Variants in BICRAL observed in about 807,000 individuals in gnomAD.
BICRAL encodes the protein BRD4-interacting chromatin-remodeling complex-associated protein-like.
A neutral mutation model predicts 91.8 loss-of-function variants in BICRAL; 8 were observed. The observed-to-expected ratio is 0.09, with a 90% confidence interval of 0.05 to 0.16. The LOEUF is 0.16. BICRAL is among the 10% of genes least tolerant of loss of function. The pLI is 1.00. For missense variants in BICRAL, 1,038 were observed against 1,310.9 expected, an observed-to-expected ratio of 0.79 and a Z score of 3.21; for synonymous variants, 445 against 491.1, an observed-to-expected ratio of 0.91 and a Z score of 1.24.
At chr6:42,783,130 C>T (rs1582813553) in intron 1 of BICRAL, among the ~76,000 whole-genome samples, 1 of 145,046 alleles carries the variant, frequency 6.9e-6, no homozygotes, top group East Asian at 2.0e-4. Context: ...GTCGCCCCGG[C>T]CCCGTTCCCG....
Position 42,765,535 on chromosome 6 carries a change from C to G in BICRAL, c.-260-16304C>G, listed in dbSNP as rs141658514. Among the ~76,000 whole-genome samples the G allele has an allele frequency of 2.0e-5, 3 of 152,242 alleles. No homozygotes were observed. The East Asian group carries it at 5.8e-4, about 29-fold the overall frequency. ...GGCATGCATGCTATTTTTTTCTGTT[C>G]TTTGTCTTCACAGAGTAATTCCCTT... On this transcript the variant is annotated intron_variant, in intron 1 of 14. Coordinates refer to the BICRAL transcript ENST00000614467.
At chr6:42,772,687 T>G (rs1762754967) in intron 1 of BICRAL, among the ~76,000 whole-genome samples, 1 of 152,160 alleles carries the variant, frequency 6.6e-6, no homozygotes, top group Non-Finnish European at 1.5e-5. Context: ...GAGGTGCTGA[T>G]GAAGGTGTGA....
At chr6:42,794,407 TACTCTGTGTGTGTGTGTGTG>T (rs1450690959) in intron 1 of BICRAL, among the ~76,000 whole-genome samples, 2 of 142,364 alleles carry the variant, frequency 1.4e-5, no homozygotes, top group Non-Finnish European at 1.5e-5. Flanking sequence ...AAAATTCACT[TACTCTGTGTGTGTGTGTGTG>T]TGTGTGTGTG....
At chr6:42,774,747 G>A (rs1182891936) in intron 1 of BICRAL, among the ~76,000 whole-genome samples, 1 of 152,058 alleles carries the variant, frequency 6.6e-6, no homozygotes, top group Non-Finnish European at 1.5e-5. Flanking sequence ...ATTTAATCAG[G>A]CTCTAAAAAG....
At chr6:42,764,552 G>A (rs1043258748) in intron 1 of BICRAL, among the ~76,000 whole-genome samples, 1 of 147,888 alleles carries the variant, frequency 6.8e-6, no homozygotes, top group Non-Finnish European at 1.5e-5. Context: ...AAAAAAAAAA[G>A]AGTTTTGTGT....
chr6:42,749,375 C>T (rs1762339798), intron 1 of BICRAL, among the ~76,000 whole-genome samples: 1 of 152,054 alleles, frequency 6.6e-6, no homozygotes, highest in Admixed American at 6.6e-5. Context: ...ATGATAGTTA[C>T]CAGAGGCTGG....
At position 42,829,745 on chromosome 6, in the gene BICRAL, A is replaced by T. The variant is rs768703483; in HGVS notation, c.1412A>T (p.His471Leu). The change falls in exon 6 of 13, where the codon CAC becomes CTC. Residue 471 changes from histidine (H) to leucine (L), a missense_variant. This residue lies in a region of BICRAL where 532 missense variants were observed against 724.9 expected (regional missense o/e 0.73). Transcript: ENST00000314073. ...PMLNNQNTAV[H>L]LVSGQTFAAS... ...CTTAACAACCAGAATACTGCTGTCCACTTAGTGTCTGGGCAGACATTTGCT... is the reference window on the plus strand; with the variant it reads ...CTTAACAACCAGAATACTGCTGTCCTCTTAGTGTCTGGGCAGACATTTGCT... The T allele has an allele frequency of 4.3e-6, 7 of 1,614,118 alleles. No homozygotes were observed. The highest frequency in any genetic ancestry group is 5.9e-6 in the Non-Finnish European group (7 of 1,179,998).
At position 42,829,691 on chromosome 6, in the gene BICRAL, G is replaced by C. The variant is rs754297196; in HGVS notation, c.1358G>C (p.Arg453Thr). The C allele has an allele frequency of 6.2e-7, 1 of 1,614,200 alleles. No individual in the cohort carries two copies. The highest frequency in any genetic ancestry group is 1.3e-5 in the African/African-American group (1 of 75,048). ...MLNRNSSNMLRTNQPYTGPML... is the reference protein window; with the variant it reads ...MLNRNSSNMLTTNQPYTGPML... ...AACAGAAACTCTTCCAACATGCTCA[G>C]GACCAACCAACCATATACTGGACCG... The change falls in exon 6 of 13, where the codon AGG becomes ACG. Residue 453 changes from arginine to threonine, a missense_variant. Physicochemically the swap from Arg to Thr is moderately conservative, Grantham distance 71 (BLOSUM62 -1). Around this residue, in one of 5 missense-constraint regions of BICRAL, gnomAD observed 532 missense variants for 724.9 expected, o/e 0.73. Coordinates refer to ENST00000314073, the MANE Select transcript of BICRAL (RefSeq NM_001393499.1).
At chr6:42,797,082 T>C (rs1163177105) in intron 1 of BICRAL, among the ~76,000 whole-genome samples, 2 of 146,064 alleles carry the variant, frequency 1.4e-5, no homozygotes, top group East Asian at 4.0e-4. Context: ...AAGGGTTACA[T>C]GTAGGAAATG....
chr6:42,794,386 TAATGCCGGACAA>T (rs1443901010), intron 1 of BICRAL, among the ~76,000 whole-genome samples: 1 of 151,670 alleles, frequency 6.6e-6, no homozygotes, highest in African/African-American at 2.4e-5. Flanking sequence ...ATAAAATACT[TAATGCCGGACAA>T]AATTCACTTA....
chr6:42,859,865 T>C (rs2114039743), intron 10 of BICRAL, among the ~76,000 whole-genome samples: 1 of 152,164 alleles, frequency 6.6e-6, no homozygotes, highest in Non-Finnish European at 1.5e-5. Context: ...CAGGATGGTC[T>C]CCATCTCCTG....
chr6:42,829,956 T>C lies in BICRAL; in HGVS notation c.1623T>C (p.Pro541=). 4 of 1,614,248 alleles carry C rather than the reference T, an allele frequency of 2.5e-6. No homozygotes were observed. The highest frequency in any genetic ancestry group is 2.2e-5 in the South Asian group (2 of 91,092). The change falls in exon 6 of 13, where the codon CCT becomes CCC. Residue 541 remains proline, a synonymous_variant. Coordinates refer to ENST00000314073, the MANE Select transcript of BICRAL (RefSeq NM_001393499.1). Reference sequence around the variant, plus strand: ...GCATGTCAGGACCTAGTCGGTTCCCTGCTGTCAGCTCAGCCAGCACTGCCC... The same window carrying C: ...GCATGTCAGGACCTAGTCGGTTCCCCGCTGTCAGCTCAGCCAGCACTGCCC... ...VTSMSGPSRF[P]AVSSASTAHP... is the part of the protein sequence containing the mutation.
chr6:42,792,907 C>CT (rs1763313730), intron 1 of BICRAL, among the ~76,000 whole-genome samples: 1 of 149,374 alleles, frequency 6.7e-6, no homozygotes, highest in African/African-American at 2.5e-5. Flanking sequence ...GAGTGAAACT[C>CT]TGTCACAAAG....
intron 1 of BICRAL, among the ~76,000 whole-genome samples, chr6:42,752,280 C>A (rs1313104888): frequency 6.6e-6 from 1 of 152,220 alleles, no homozygotes; most frequent in African/African-American, 2.4e-5. Flanking sequence ...ACGTCTAGCA[C>A]ATAGGCTGGC....
intron 6 of BICRAL, among the ~76,000 whole-genome samples, chr6:42,840,095 T>TG (rs1393885017): frequency 4.6e-5 from 7 of 152,336 alleles, no homozygotes; most frequent in Non-Finnish European, 7.3e-5. Context: ...TTATTAGAGA[T>TG]GGGGTCTCGC....
At chr6:42,783,654 A>T (rs1247486714) in intron 1 of BICRAL, among the ~76,000 whole-genome samples, 5 of 151,972 alleles carry the variant, frequency 3.3e-5, no homozygotes, top group Non-Finnish European at 7.4e-5. Context: ...CTCCTTCCCC[A>T]CGCCCCCAGA....
At chr6:42,821,265 T>C (rs1253311014) in intron 2 of BICRAL, 1 of 152,204 alleles carries the variant, frequency 6.6e-6, no homozygotes, top group Non-Finnish European at 1.5e-5. Context: ...GTGCAGTTGT[T>C]GTTGTTTCAG....
chr6:42,750,315 C>G (rs1196311210), intron 1 of BICRAL, among the ~76,000 whole-genome samples: 2 of 151,848 alleles, frequency 1.3e-5, no homozygotes, highest in Admixed American at 1.3e-4. Flanking sequence ...TGTGCACCAC[C>G]ACTCCCAGCT....
chr6:42,784,325 A>C (rs1334650583), intron 1 of BICRAL, among the ~76,000 whole-genome samples: 1 of 152,150 alleles, frequency 6.6e-6, no homozygotes, highest in Non-Finnish European at 1.5e-5. Flanking sequence ...TAACTTTTAC[A>C]TTATTATTGA....
Sources: allele counts gnomAD v4.1 joint callset (sites outside exome capture counted in the v4.1 genomes callset), GRCh38; gene constraint gnomAD v4.1.1; regional missense constraint gnomAD v4.1.1; transcripts MANE v1.5; gene names NCBI Gene and HGNC (gene_info 2026-07-23, HGNC 2026-07-21).